Variants in ENTPD5 observed in about 807,000 individuals in gnomAD.
ENTPD5 encodes the protein nucleoside diphosphate phosphatase ENTPD5.
Under a neutral mutation model 60.2 loss-of-function variants are expected in ENTPD5, and 49 were observed. That is an observed-to-expected ratio of 0.81 (90% CI 0.65 to 1.03). ENTPD5 has a LOEUF of 1.03. Ranked by LOEUF, ENTPD5 falls within the 50% of genes least tolerant of loss-of-function variation. The pLI is 0.00. For missense variants in ENTPD5, 480 were observed against 507.6 expected (o/e 0.95, Z 0.52); for synonymous variants, 187 against 185.4 (o/e 1.01, Z -0.07).
intron 6 of ENTPD5, among the ~76,000 whole-genome samples, chr14:73,977,735 G>T (rs1044965676): frequency 2.0e-5 from 3 of 152,146 alleles, no homozygotes; most frequent in African/African-American, 7.2e-5. Flanking sequence ...CTGGAAACTA[G>T]GAGGAGCCTT....
intron 9 of ENTPD5, 150 bp from the exon 10 acceptor site, chr14:73,976,165 G>C: frequency 1.2e-6 from 1 of 851,688 alleles, no homozygotes; most frequent in South Asian, 1.6e-5. Flanking sequence ...AAGGGATTCT[G>C]AACAGTGAGA....
intron 14 of ENTPD5, among the ~76,000 whole-genome samples, chr14:73,970,871 G>T (rs890899200): frequency 2.6e-4 from 40 of 151,660 alleles, no homozygotes; most frequent in African/African-American, 9.0e-4. Flanking sequence ...TGTCACCCAG[G>T]GTGGAGTGCA....
chr14:73,965,465 A>G lies in ENTPD5; in HGVS notation c.*1463T>C, dbSNP rs1018125555. 6.6e-6 allele frequency: 1 copy of G among 152,238 alleles called. No homozygotes were observed. The highest frequency in any genetic ancestry group is 1.5e-5 in the Non-Finnish European group (1 of 68,088). The allele number at this position is 152,238 out of a possible 1,614,324, so 9.4% of individuals were successfully genotyped here. A position where few individuals can be genotyped will look rare whatever the true frequency, so the allele number is the denominator to read the frequency against. ...AAGATAAGGCCAGGCGCGGTGTCTC[A>G]TGCCTGTAATCCCAGCACTTTGGGA... On this transcript the variant is annotated 3_prime_UTR_variant, in exon 16 of 16. Transcript: ENST00000334696.
At chr14:73,958,538 T>C (rs1260996926), downstream of ENTPD5, 2 of 1,321,476 alleles carry the variant, frequency 1.5e-6, no homozygotes, top group Non-Finnish European at 9.7e-7. Context: ...GTGTTGGGAA[T>C]GGAGGCTGTT....
At chr14:73,993,935 CAA>C (rs1002669383) in intron 3 of ENTPD5, among the ~76,000 whole-genome samples, 72 of 57,620 alleles carry the variant, frequency 1.2e-3, no homozygotes, top group Non-Finnish European at 1.1e-3. Flanking sequence ...CAAAAAAAAA[CAA>C]ACAAAAAACC....
chr14:73,970,208 G>A, intron 14 of ENTPD5, 83 bp from the exon 15 acceptor site: 1 of 985,798 alleles, frequency 1.0e-6, no homozygotes, highest in Non-Finnish European at 1.6e-6. Context: ...AAGTGGAATA[G>A]GGGCCAGGCG....
At chr14:73,978,991 G>A (rs2057559935) in intron 6 of ENTPD5, among the ~76,000 whole-genome samples, 2 of 151,872 alleles carry the variant, frequency 1.3e-5, no homozygotes, top group Non-Finnish European at 2.9e-5. Flanking sequence ...CCTTAACCCT[G>A]CCTCTCTGAG....
intron 14 of ENTPD5, among the ~76,000 whole-genome samples, chr14:73,970,609 G>C (rs1011961029): frequency 6.6e-6 from 1 of 152,134 alleles, no homozygotes; most frequent in African/African-American, 2.4e-5. Context: ...CGCAGCTTCT[G>C]AAGAACTTGC....
chr14:73,983,195 G>C, intron 5 of ENTPD5, 34 bp from the exon 6 acceptor site: 2 of 1,588,760 alleles, frequency 1.3e-6, no homozygotes, highest in Non-Finnish European at 1.7e-6. Context: ...TCTGATGAAC[G>C]ATCCATTTAG....
intron 2 of ENTPD5, among the ~76,000 whole-genome samples, chr14:74,013,043 T>G (rs11848515): frequency 0.029 from 4,471 of 152,236 alleles, 221 homozygotes; most frequent in African/African-American, 0.1. Context: ...AGTCTAGTGG[T>G]TCTGAAACTT....
downstream of ENTPD5, chr14:73,958,671 A>T: frequency 1.5e-6 from 2 of 1,322,798 alleles, no homozygotes; most frequent in Non-Finnish European, 1.9e-6. Context: ...ATTCAGCTCC[A>T]GTGTGTGCCC....
intron 3 of ENTPD5, among the ~76,000 whole-genome samples, chr14:74,008,475 G>C (rs56758156): frequency 1.3e-5 from 2 of 149,916 alleles, no homozygotes; most frequent in Non-Finnish European, 3.0e-5. Context: ...TGCAACCTCC[G>C]CCTCCCGCAG....
At chr14:73,957,584 C>T (rs746007898), downstream of ENTPD5, among the ~76,000 whole-genome samples, 6 of 152,106 alleles carry the variant, frequency 3.9e-5, no homozygotes, top group Middle Eastern at 3.4e-3. Context: ...ACGACAGGTG[C>T]GCACCATCAC....
At chr14:73,988,639 T>C (rs2058004679) in intron 3 of ENTPD5, among the ~76,000 whole-genome samples, 1 of 152,152 alleles carries the variant, frequency 6.6e-6, no homozygotes, top group African/African-American at 2.4e-5. Context: ...TGTAAGTTTG[T>C]ACCCATTAAC....
downstream of ENTPD5, chr14:73,955,525 T>C: frequency 1.9e-6 from 3 of 1,611,890 alleles, no homozygotes; most frequent in Middle Eastern, 1.7e-4. Flanking sequence ...CCTTTATCTT[T>C]TCAATTTTGT....
intron 6 of ENTPD5, among the ~76,000 whole-genome samples, chr14:73,980,269 C>CT (rs1358773565): frequency 0.033 from 4,383 of 132,724 alleles, 204 homozygotes; most frequent in African/African-American, 0.11. Context: ...CAGTTTCAAT[C>CT]TTTTTTTTTT....
chr14:73,961,207 C>T (rs2056712381), downstream of ENTPD5: 2 of 1,614,034 alleles, frequency 1.2e-6, no homozygotes, highest in South Asian at 2.2e-5. Context: ...TTCATCGACA[C>T]AGCTGGTGCC....
Position 73,986,871 on chromosome 14 carries a change from C to T in ENTPD5, c.240G>A (p.Gly80=), listed in dbSNP as rs771008387. 6.2e-6 allele frequency: 10 copies of T among 1,613,934 alleles called. No individual in the cohort carries two copies. The highest frequency in any genetic ancestry group is 1.1e-5 in the South Asian group (1 of 91,090). ...KMPGQLPILE[G]EVFDSVKPGL... is the part of the protein sequence containing the mutation. ...CTGGCTTCACAGAATCAAAAACTTC[C>T]CCTTCTAGAATTGGAAGCTGTCCTA... The change falls in exon 5 of 16, where the codon GGG becomes GGA. Residue 80 remains glycine (G), a synonymous_variant. Coordinates refer to ENST00000334696, the MANE Select transcript of ENTPD5 (RefSeq NM_001249.5).
intron 1 of ENTPD5, among the ~76,000 whole-genome samples, chr14:74,017,917 C>T (rs987601094): frequency 6.8e-6 from 1 of 146,398 alleles, no homozygotes; most frequent in Non-Finnish European, 1.5e-5. Context: ...GGCGGTGGCC[C>T]ACGCCTGTAA....
Sources: allele counts gnomAD v4.1 joint callset (sites outside exome capture counted in the v4.1 genomes callset), GRCh38; gene constraint gnomAD v4.1.1; transcripts MANE v1.5; gene names NCBI Gene and HGNC (gene_info 2026-07-23, HGNC 2026-07-21).